The following TNFRSF1B variants were observed in gnomAD, a reference collection of about 807,000 sequenced individuals.
TNFRSF1B encodes the protein TNF receptor superfamily member 1B, also known as tumor necrosis factor receptor superfamily member 1B.
In TNFRSF1B, 19 loss-of-function variants were observed where a neutral mutation model predicts 44.6. The observed-to-expected ratio is 0.43, with a 90% confidence interval of 0.30 to 0.62. The LOEUF (loss-of-function observed/expected upper bound fraction) is 0.62. TNFRSF1B is among the 20% of genes least tolerant of loss of function. The pLI, the probability that TNFRSF1B is intolerant of heterozygous loss-of-function variation, is 0.16. For missense variants in TNFRSF1B, 541 were observed against 619.9 expected (o/e 0.87, Z 1.35); for synonymous variants, 252 against 261.1 (o/e 0.97, Z 0.34).
Position 12,171,945 on chromosome 1 carries a change from GT to G in TNFRSF1B, c.78+4777del, listed in dbSNP as rs761101990. Among the ~76,000 whole-genome samples the G allele has an allele frequency of 1.3e-5, 2 of 152,222 alleles. No individual in the cohort carries two copies. The highest frequency in any genetic ancestry group is 4.1e-4 in the South Asian group (2 of 4,830). On this transcript the variant is annotated intron_variant, in intron 1 of 9. Coordinates refer to ENST00000376259, the MANE Select transcript of TNFRSF1B (RefSeq NM_001066.3). This position sits in a 1 kb window ranked among gnomAD's most constrained non-coding sequence, Gnocchi z 4.5. The stretch of plus-strand genomic sequence containing the variant: ...GATGAGACGGGGGTTTGAAAAGTCA[GT>G]GGTGGCAGGGTGGGGTTCTGTTTGC...
At chr1:12,181,817 C>T (rs984129798) in intron 1 of TNFRSF1B, among the ~76,000 whole-genome samples, 4 of 152,208 alleles carry the variant, frequency 2.6e-5, no homozygotes, top group African/African-American at 9.7e-5. Context: ...CATCCCAGCC[C>T]CCACCTCCCA....
chr1:12,191,083 C>A lies in TNFRSF1B; in HGVS notation c.305C>A (p.Ser102Tyr). 1 of 1,614,008 alleles carries A rather than the reference C, an allele frequency of 6.2e-7. No individual in the cohort carries two copies. ...TTGAGCTGTGGCTCCCGCTGTAGCT[C>A]TGGTGAGTAGGTTCAGAGAAAAAGG... The part of the protein sequence containing the change: ...ECLSCGSRCS[S>Y]DQVETQACTR... Residue 102 changes from serine (S) to tyrosine (Y), a missense_variant and splice_region_variant, in exon 3 of 10, where the codon TCT (serine) becomes TAT (tyrosine). Coordinates refer to ENST00000376259, the MANE Select transcript of TNFRSF1B (RefSeq NM_001066.3).
chr1:12,208,785 C>T lies in TNFRSF1B; in HGVS notation c.*1765C>T, dbSNP rs1639568810. 1 of 152,210 alleles carries T rather than the reference C, an allele frequency of 6.6e-6. No individual in the cohort carries two copies. The highest frequency in any genetic ancestry group is 2.4e-5 in the African/African-American group (1 of 41,444). The allele number at this position is 152,210 out of a possible 1,614,324, so 9.4% of individuals were successfully genotyped here. ...TTACCATGGAGACAAGAAGGGTTTT[C>T]CACCCTGGAATCAAGATGTCAGACT... On this transcript the variant is annotated 3_prime_UTR_variant, in exon 10 of 10. Transcript: ENST00000376259.
Position 12,172,075 on chromosome 1 carries a change from G to A in TNFRSF1B, c.78+4906G>A, listed in dbSNP as rs1443635012. 6.6e-5 allele frequency among the ~76,000 whole-genome samples: 10 copies of A among 152,214 alleles called. No individual in the cohort carries two copies. The East Asian group carries it at 1.4e-3, about 21-fold the overall frequency. On this transcript the variant is annotated intron_variant, in intron 1 of 9. Coordinates refer to ENST00000376259, the MANE Select transcript of TNFRSF1B (RefSeq NM_001066.3). Reference sequence around the variant, plus strand: ...ATTGCTCACCCCCTCGACATCCCTCGTGTAGTGAGGGATGGGGCCACTCAC... The same window carrying A: ...ATTGCTCACCCCCTCGACATCCCTCATGTAGTGAGGGATGGGGCCACTCAC...
intron 8 of TNFRSF1B, among the ~76,000 whole-genome samples, chr1:12,195,714 G>C (rs146169179): frequency 2.3e-3 from 346 of 152,310 alleles, no homozygotes; most frequent in Non-Finnish European, 3.8e-3. Flanking sequence ...AGGGAGGGGG[G>C]TTGGAAGTGG....
rs1570119807 is a variant in TNFRSF1B at position 12,170,613 on chromosome 1, G to A, written c.78+3444G>A. Among the ~76,000 whole-genome samples the A allele has an allele frequency of 3.9e-5, 6 of 152,306 alleles. 1 individual carries two copies. The highest frequency in any genetic ancestry group is 3.9e-4 in the Admixed American group (6 of 15,300). On this transcript the variant is annotated intron_variant, in intron 1 of 9. Coordinates refer to ENST00000376259, the MANE Select transcript of TNFRSF1B (RefSeq NM_001066.3). ...ACGGTTGTGCGTGGGAAGGGGAAGA[G>A]TTTTGCCGGAGCCATGGCATGTATG...
chr1:12,183,674 A>ATCTATCTATCTAT (rs1553163402), intron 1 of TNFRSF1B, among the ~76,000 whole-genome samples: 86 of 124,464 alleles, frequency 6.9e-4, no homozygotes, highest in Middle Eastern at 4.5e-3. Flanking sequence ...CTATCTATCT[A>ATCTATCTATCTAT]TCTATCTATC....
rs1300036529 is a variant in TNFRSF1B, at chr1:12,180,328, G to A, written c.79-8468G>A. ...CCCCAAAGAAGGCTGTGCTAATGGC[G>A]GCCGGAAGAGCAGAGGGCACCACAG... On this transcript the variant is annotated intron_variant, in intron 1 of 9. Coordinates refer to ENST00000376259, the MANE Select transcript of TNFRSF1B (RefSeq NM_001066.3). The surrounding 1 kb of genome is among the most constrained non-coding windows in gnomAD (Gnocchi z 4.3). 1.3e-5 allele frequency among the ~76,000 whole-genome samples: 2 copies of A among 152,094 alleles called. No homozygotes were observed. The highest frequency in any genetic ancestry group is 4.8e-5 in the African/African-American group (2 of 41,410).
rs1381488820 is a variant in TNFRSF1B at position 12,186,941 on chromosome 1, A to G, written c.79-1855A>G. ...GGTGGCTAATTAATGCTTGTCCCTG[A>G]AAGCCCGGACTGCCAACCCCAGTCT... is the stretch of plus-strand genomic sequence containing the variant. On this transcript the variant is annotated intron_variant, in intron 1 of 9. Transcript: ENST00000376259. This position sits in a 1 kb window ranked among gnomAD's most constrained non-coding sequence, Gnocchi z 4.8. Among the ~76,000 whole-genome samples, 5 of 152,166 alleles carry G rather than the reference A, an allele frequency of 3.3e-5. No homozygotes were observed. Among genetic ancestry groups the G allele is most frequent in the Admixed American group, 2.6e-4 (4 of 15,284 alleles).
At chr1:12,183,207 A>G (rs1009911743) in intron 1 of TNFRSF1B, among the ~76,000 whole-genome samples, 1 of 152,212 alleles carries the variant, frequency 6.6e-6, no homozygotes, top group African/African-American at 2.4e-5. Context: ...CTGTGGACCC[A>G]GATGGGAGGC....
chr1:12,203,515 G>A (rs1215551091), intron 9 of TNFRSF1B, among the ~76,000 whole-genome samples: 1 of 152,084 alleles, frequency 6.6e-6, no homozygotes, highest in Non-Finnish European at 1.5e-5. Context: ...GAGCTGACGT[G>A]GCCATTTCTG....
chr1:12,196,833 C>T (rs527399403), intron 8 of TNFRSF1B, among the ~76,000 whole-genome samples: 9 of 152,358 alleles, frequency 5.9e-5, no homozygotes, highest in East Asian at 1.9e-4. Context: ...CAAGCTCTTC[C>T]GCAGCAGCCC....
At chr1:12,182,075 C>T (rs1333853047) in intron 1 of TNFRSF1B, among the ~76,000 whole-genome samples, 1 of 152,114 alleles carries the variant, frequency 6.6e-6, no homozygotes, top group Admixed American at 6.6e-5. Context: ...GGGGTAGGGG[C>T]GGGCCTTGGG....
At chr1:12,196,302 A>G (rs1639263726) in intron 8 of TNFRSF1B, among the ~76,000 whole-genome samples, 1 of 152,194 alleles carries the variant, frequency 6.6e-6, no homozygotes, top group African/African-American at 2.4e-5. Flanking sequence ...CTCCATCTCA[A>G]AAGAAAAAAT....
chr1:12,181,694 C>T (rs5745990), intron 1 of TNFRSF1B, among the ~76,000 whole-genome samples: 13 of 152,164 alleles, frequency 8.5e-5, no homozygotes, highest in Non-Finnish European at 1.5e-4. Context: ...GTCGCCTGCT[C>T]GAGCTGCCCT....
chr1:12,181,936 C>A lies in TNFRSF1B; in HGVS notation c.79-6860C>A, dbSNP rs542162341. 3.3e-5 allele frequency among the ~76,000 whole-genome samples: 5 copies of A among 152,348 alleles called. No individual in the cohort carries two copies. The South Asian group carries it at 8.3e-4, about 25-fold the overall frequency. On this transcript the variant is annotated intron_variant, in intron 1 of 9. Transcript: ENST00000376259. ...GACACCCATCCTTAAGAACCCAGGGCTGGTCCTTTTGCTTAGAGCATCAAC... is the reference window on the plus strand; with the variant it reads ...GACACCCATCCTTAAGAACCCAGGGATGGTCCTTTTGCTTAGAGCATCAAC...
chr1:12,185,796 G>A (rs1203602430), intron 1 of TNFRSF1B, among the ~76,000 whole-genome samples: 1 of 152,220 alleles, frequency 6.6e-6, no homozygotes, highest in Non-Finnish European at 1.5e-5. Context: ...AGCAGCTGCT[G>A]AGCACCTACG....
rs1214383668 is a variant in TNFRSF1B at position 12,169,799 on chromosome 1, T to G, written c.78+2630T>G. On this transcript the variant is annotated intron_variant, in intron 1 of 9. Coordinates refer to ENST00000376259, the MANE Select transcript of TNFRSF1B (RefSeq NM_001066.3). The surrounding 1 kb of genome is among the most constrained non-coding windows in gnomAD (Gnocchi z 4.5). ...GGCAGTAGGTGAGTGCTTGGTGCCC[T>G]CTGATGGGGATGAGCAGGGTCTGGG... Among the ~76,000 whole-genome samples the G allele has an allele frequency of 1.3e-5, 2 of 152,258 alleles. No homozygotes were observed. The highest frequency in any genetic ancestry group is 2.9e-5 in the Non-Finnish European group (2 of 68,046).
In TNFRSF1B at chr1:12,191,019, A is replaced by G. The variant is rs758204349; in HGVS notation, c.241A>G (p.Ser81Gly). The G allele has an allele frequency of 1.1e-5, 17 of 1,614,088 alleles. No individual in the cohort carries two copies. The highest frequency in any genetic ancestry group is 1.4e-5 in the Non-Finnish European group (16 of 1,180,032). Residue 81 changes from serine to glycine, a missense_variant, in exon 3 of 10, where the codon AGC (serine) becomes GGC (glycine). Coordinates refer to ENST00000376259, the MANE Select transcript of TNFRSF1B (RefSeq NM_001066.3). Reference protein sequence around the residue: ...SDTVCDSCEDSTYTQLWNWVP... With the variant: ...SDTVCDSCEDGTYTQLWNWVP... ...CACCGTGTGTGACTCCTGTGAGGACAGCACATACACCCAGCTCTGGAACTG... is the reference window on the plus strand; with the variant it reads ...CACCGTGTGTGACTCCTGTGAGGACGGCACATACACCCAGCTCTGGAACTG...
Sources: allele counts gnomAD v4.1 joint callset (sites outside exome capture counted in the v4.1 genomes callset), GRCh38; gene constraint gnomAD v4.1.1; non-coding constraint Gnocchi (gnomAD v3.1); transcripts MANE v1.5; gene names NCBI Gene and HGNC (gene_info 2026-07-23, HGNC 2026-07-21).